Variants in CTNNA3 observed in about 807,000 individuals in gnomAD.
CTNNA3 encodes the protein catenin alpha-3.
Under a neutral mutation model 95.7 loss-of-function variants are expected in CTNNA3, and 76 were observed. The observed-to-expected ratio is 0.79, with a 90% CI of 0.66 to 0.96. CTNNA3 has a LOEUF of 0.96. Among genes scored for constraint, CTNNA3 ranks in the 40% least tolerant of loss-of-function variants. CTNNA3 has a pLI of 0.00. For missense variants in CTNNA3, 1,191 were observed against 1,089.8 expected (o/e 1.09, Z -1.31); for synonymous variants, 431 against 374.4 (o/e 1.15, Z -1.74).
chr10:67,056,730 A>G (rs1165106052), intron 7 of CTNNA3, among the ~76,000 whole-genome samples: 1 of 152,216 alleles, frequency 6.6e-6, no homozygotes, highest in African/African-American at 2.4e-5. Context: ...CTCAAGAGCT[A>G]TAATTAAAAT....
chr10:67,724,095 A>T (rs1589581140), intron 1 of CTNNA3, among the ~76,000 whole-genome samples: 1 of 152,328 alleles, frequency 6.6e-6, no homozygotes, highest in East Asian at 1.9e-4. Flanking sequence ...ATGCAAGCTT[A>T]TCCTACATTA....
At chr10:66,543,455 C>T (rs1030634760) in intron 10 of CTNNA3, among the ~76,000 whole-genome samples, 3 of 151,688 alleles carry the variant, frequency 2.0e-5, no homozygotes, top group African/African-American at 7.3e-5. Context: ...TATTTAATAA[C>T]ATGGAAAGGG....
At chr10:66,809,962 G>A (rs1264535433) in intron 7 of CTNNA3, among the ~76,000 whole-genome samples, 1 of 152,038 alleles carries the variant, frequency 6.6e-6, no homozygotes, top group Non-Finnish European at 1.5e-5. Flanking sequence ...CTGCTACCAT[G>A]CCCGGCTAAT....
At chr10:66,309,424 GGCTCACGC>G (rs1411553454) in intron 12 of CTNNA3, among the ~76,000 whole-genome samples, 2 of 151,930 alleles carry the variant, frequency 1.3e-5, no homozygotes, top group Non-Finnish European at 1.5e-5. Context: ...CGGGTGCAGT[GGCTCACGC>G]CTGTAATCTC....
At chr10:67,181,523 A>G (rs1724868650) in intron 6 of CTNNA3, among the ~76,000 whole-genome samples, 1 of 152,186 alleles carries the variant, frequency 6.6e-6, no homozygotes, top group Non-Finnish European at 1.5e-5. Context: ...TGATCTTCAG[A>G]GTGTGAAATT....
intron 15 of CTNNA3, among the ~76,000 whole-genome samples, chr10:66,043,581 G>A (rs889184578): frequency 6.6e-6 from 1 of 152,150 alleles, no homozygotes; most frequent in Non-Finnish European, 1.5e-5. Flanking sequence ...CTCTTACAGT[G>A]TATGATTATA....
At chr10:67,391,983 A>G (rs1190562084) in intron 5 of CTNNA3, among the ~76,000 whole-genome samples, 1 of 151,692 alleles carries the variant, frequency 6.6e-6, no homozygotes, top group Non-Finnish European at 1.5e-5. Flanking sequence ...ACCATTCAGG[A>G]CATAGGCATG....
intron 13 of CTNNA3, among the ~76,000 whole-genome samples, chr10:66,124,803 T>C (rs967983490): frequency 4.6e-5 from 7 of 152,132 alleles, no homozygotes; most frequent in African/African-American, 1.4e-4. Context: ...ACTCATTCAC[T>C]ATCACAAGAA....
In CTNNA3 at chr10:66,248,510, T is replaced by G. The variant is rs534051534; in HGVS notation, c.1884+31960A>C. ...TTGCCTATAAAAAACATACTTCCCCTATAAAGATAAACACAGACAGAAATA... is the reference window on the plus strand; with the variant it reads ...TTGCCTATAAAAAACATACTTCCCCGATAAAGATAAACACAGACAGAAATA... On this transcript the variant is annotated intron_variant, in intron 13 of 17. Coordinates refer to ENST00000433211, the MANE Select transcript of CTNNA3 (RefSeq NM_013266.4). 5.3e-5 allele frequency among the ~76,000 whole-genome samples: 8 copies of G among 151,954 alleles called. No individual in the cohort carries two copies. The South Asian group carries it at 1.0e-3, about 20-fold the overall frequency.
chr10:67,020,786 G>A (rs971762330), intron 7 of CTNNA3, among the ~76,000 whole-genome samples: 4 of 152,194 alleles, frequency 2.6e-5, no homozygotes, highest in Admixed American at 6.5e-5. Flanking sequence ...GTAAGTTTCA[G>A]AAAGGTGTAG....
intron 7 of CTNNA3, among the ~76,000 whole-genome samples, chr10:67,015,855 A>G (rs138915472): frequency 3.5e-4 from 53 of 151,640 alleles, no homozygotes; most frequent in African/African-American, 1.2e-3. Flanking sequence ...TACACATTTC[A>G]TTTTGTCAGA....
intron 15 of CTNNA3, among the ~76,000 whole-genome samples, chr10:66,024,991 T>C (rs2079306995): frequency 6.6e-6 from 1 of 152,364 alleles, no homozygotes; most frequent in East Asian, 1.9e-4. Flanking sequence ...ATATCTTTTA[T>C]GTTTTTAAAT....
At chr10:66,696,335 C>T (rs189875297) in intron 9 of CTNNA3, among the ~76,000 whole-genome samples, 1 of 152,252 alleles carries the variant, frequency 6.6e-6, no homozygotes, top group Non-Finnish European at 1.5e-5. Flanking sequence ...TAGGCGTATA[C>T]TCACATGAGG....
At chr10:66,359,120 C>T (rs2092634384) in intron 12 of CTNNA3, among the ~76,000 whole-genome samples, 1 of 152,122 alleles carries the variant, frequency 6.6e-6, no homozygotes, top group Admixed American at 6.6e-5. Context: ...GTAAAGTGAG[C>T]ATAATCCTTC....
At chr10:66,242,574 A>C (rs1189113375) in intron 13 of CTNNA3, among the ~76,000 whole-genome samples, 1 of 152,226 alleles carries the variant, frequency 6.6e-6, no homozygotes, top group Non-Finnish European at 1.5e-5. Context: ...TATTAAAACC[A>C]TAAGGAGATA....
chr10:66,115,511 A>G (rs1358730769), intron 13 of CTNNA3, among the ~76,000 whole-genome samples: 2 of 145,502 alleles, frequency 1.4e-5, no homozygotes, highest in Non-Finnish European at 3.0e-5. Context: ...GGGAATATAG[A>G]TAGATAGATA....
intron 14 of CTNNA3, among the ~76,000 whole-genome samples, chr10:66,099,006 T>C (rs891100329): frequency 6.6e-6 from 1 of 152,172 alleles, no homozygotes; most frequent in African/African-American, 2.4e-5. Flanking sequence ...ACAACAATAA[T>C]AAATGATGTT....
intron 9 of CTNNA3, among the ~76,000 whole-genome samples, chr10:66,749,015 A>C (rs1421264632): frequency 6.6e-6 from 1 of 151,452 alleles, no homozygotes; most frequent in African/African-American, 2.4e-5. Flanking sequence ...CTTCCAAAAA[A>C]AAAAAAATAC....
intron 12 of CTNNA3, among the ~76,000 whole-genome samples, chr10:66,350,467 C>T (rs1050081499): frequency 1.3e-5 from 2 of 151,944 alleles, no homozygotes; most frequent in Admixed American, 1.3e-4. Context: ...ACGAATTTAT[C>T]TGAGTAAGGG....
Sources: gnomAD v4.1 joint callset for allele counts (sites outside exome capture counted in the v4.1 genomes callset) on GRCh38, gnomAD v4.1.1 for gene constraint, MANE v1.5 for transcripts, NCBI Gene and HGNC (gene_info 2026-07-23, HGNC 2026-07-21) for gene names.